The following PARP8 variants were observed in gnomAD, a reference collection of about 807,000 sequenced individuals.
PARP8 encodes protein mono-ADP-ribosyltransferase PARP8.
A neutral mutation model predicts 124.1 loss-of-function variants in PARP8; 51 were observed. The ratio of observed to expected loss-of-function variants is 0.41; its 90% CI spans 0.33 to 0.52. PARP8 has a LOEUF of 0.52. PARP8 is among the 20% of genes least tolerant of loss of function. The probability of loss-of-function intolerance (pLI) is 0.21; values close to 1 mark genes in which losing one functional copy is unlikely to be tolerated. For synonymous variants in PARP8, 391 were observed against 361.5 expected, an observed-to-expected ratio of 1.08 and a Z score of -0.93; for missense variants, 860 against 1,018.9, an observed-to-expected ratio of 0.84 and a Z score of 2.12.
intron 14 of PARP8, among the ~76,000 whole-genome samples, chr5:50,801,777 T>C (rs1743256222): frequency 6.6e-6 from 1 of 152,334 alleles, no homozygotes; most frequent in East Asian, 1.9e-4. Flanking sequence ...CAATATTTGA[T>C]TCATGTATTT....
intron 2 of PARP8, among the ~76,000 whole-genome samples, chr5:50,733,394 A>C (rs1219623071): frequency 6.6e-6 from 1 of 152,210 alleles, no homozygotes; most frequent in Non-Finnish European, 1.5e-5. Flanking sequence ...TGAAAATTCA[A>C]ACTGTTAGTA....
chr5:50,757,498 A>T (rs1458681872), intron 3 of PARP8, among the ~76,000 whole-genome samples: 1 of 152,142 alleles, frequency 6.6e-6, no homozygotes, highest in East Asian at 1.9e-4. Context: ...TTAATAAATA[A>T]TGTCATAAAA....
At chr5:50,688,924 A>C (rs1752173819) in intron 2 of PARP8, among the ~76,000 whole-genome samples, 1 of 152,168 alleles carries the variant, frequency 6.6e-6, no homozygotes, top group Non-Finnish European at 1.5e-5. Flanking sequence ...GTTTGAGTGC[A>C]CTTGATCTTG....
chr5:50,734,533 A>G (rs1757295023), intron 2 of PARP8, among the ~76,000 whole-genome samples: 1 of 152,130 alleles, frequency 6.6e-6, no homozygotes. Context: ...CAAACAAATT[A>G]ATTTGTCAGT....
chr5:50,749,261 A>G (rs1758956625), intron 2 of PARP8, among the ~76,000 whole-genome samples: 1 of 152,194 alleles, frequency 6.6e-6, no homozygotes, highest in East Asian at 1.9e-4. Flanking sequence ...TTGTCTTAAC[A>G]GGCAGATAAT....
intron 2 of PARP8, among the ~76,000 whole-genome samples, chr5:50,721,955 G>A (rs1755934133): frequency 1.3e-5 from 2 of 151,900 alleles, no homozygotes. Flanking sequence ...TCTATATCAT[G>A]CCCTAAAAAT....
At chr5:50,764,929 A>G (rs1760908552) in intron 7 of PARP8, among the ~76,000 whole-genome samples, 1 of 152,052 alleles carries the variant, frequency 6.6e-6, no homozygotes, top group African/African-American at 2.4e-5. Flanking sequence ...TATAACAATC[A>G]TAATACAACA....
intron 2 of PARP8, among the ~76,000 whole-genome samples, chr5:50,692,668 C>T (rs1752621842): frequency 6.6e-6 from 1 of 151,934 alleles, no homozygotes; most frequent in Admixed American, 6.6e-5. Context: ...GTTTCTTTTT[C>T]TTGATTTCAT....
Position 50,846,024 on chromosome 5 carries a change from A to G in PARP8, c.*3956A>G, listed in dbSNP as rs1278612104. The G allele has an allele frequency of 6.6e-6, 1 of 151,814 alleles. No individual in the cohort carries two copies. Among genetic ancestry groups the G allele is most frequent in the Non-Finnish European group, 1.5e-5 (1 of 67,818 alleles). The allele number at this position is 151,814 out of a possible 1,614,324, so 9.4% of individuals were successfully genotyped here. A position where few individuals can be genotyped will look rare whatever the true frequency, so the allele number is the denominator to read the frequency against. On this transcript the variant is annotated 3_prime_UTR_variant, in exon 26 of 26. Coordinates refer to ENST00000281631, the MANE Select transcript of PARP8 (RefSeq NM_024615.4). ...AGTAGTTTTTAGACAAAACATATCCATGAGTGTGAAAAAAGCTGTGTTGAC... is the reference window on the plus strand; with the variant it reads ...AGTAGTTTTTAGACAAAACATATCCGTGAGTGTGAAAAAAGCTGTGTTGAC...
rs187889338 is a variant in PARP8 at position 50,795,693 on chromosome 5, C to T, written c.1428+276C>T. On this transcript the variant is annotated intron_variant, in intron 12 of 25. Coordinates refer to ENST00000281631, the MANE Select transcript of PARP8 (RefSeq NM_024615.4). Reference sequence around the variant, plus strand: ...AAATGCTACTAAAATCAGAAGGAAACGCATTGGATTCACAAAGCCCTTACT... The same window carrying T: ...AAATGCTACTAAAATCAGAAGGAAATGCATTGGATTCACAAAGCCCTTACT... Among the ~76,000 whole-genome samples the T allele has an allele frequency of 1.2e-4, 18 of 152,180 alleles. No homozygotes were observed. In the East Asian group the frequency reaches 2.9e-3, roughly 24 times the overall value.
intron 2 of PARP8, chr5:50,669,511 C>G (rs1027054366): frequency 1.3e-5 from 2 of 152,254 alleles, no homozygotes; most frequent in African/African-American, 2.4e-5. Flanking sequence ...AAGTAACTAG[C>G]TTTCTGATTT....
chr5:50,835,764 G>A (rs1409434585), intron 25 of PARP8, among the ~76,000 whole-genome samples: 1 of 151,764 alleles, frequency 6.6e-6, no homozygotes, highest in Non-Finnish European at 1.5e-5. Flanking sequence ...ACATGTCAAT[G>A]TGGGGTTTTT....
Position 50,794,855 on chromosome 5 carries a change from C to T in PARP8, c.866C>T (p.Ser289Leu), listed in dbSNP as rs1024542674. ...PLHLFSTLRRSPSYPPPGCGK... is the reference protein window; with the variant it reads ...PLHLFSTLRRLPSYPPPGCGK... ...GTAATTGTTGTTCAATTTTGAAGGT[C>T]GCCAAGTTATCCTCCCCCTGGTTGT... Residue 289 changes from serine (S) to leucine (L), a missense_variant and splice_region_variant, in exon 12 of 26, where the codon TCG becomes TTG. By Grantham distance (145) the Ser-to-Leu change is moderately radical (BLOSUM62 -2). This residue lies in a region of PARP8 where 517 missense variants were observed against 544.2 expected (regional missense o/e 0.95). Coordinates refer to ENST00000281631, the MANE Select transcript of PARP8 (RefSeq NM_024615.4). 8.1e-6 allele frequency: 13 copies of T among 1,610,702 alleles called. No individual in the cohort carries two copies. Among genetic ancestry groups the T allele is most frequent in the East Asian group, 2.2e-5 (1 of 44,832 alleles).
intron 16 of PARP8, among the ~76,000 whole-genome samples, chr5:50,821,591 C>A (rs1745773994): frequency 6.6e-6 from 1 of 152,176 alleles, no homozygotes; most frequent in Non-Finnish European, 1.5e-5. Flanking sequence ...CTCCTTTCCT[C>A]TTTCCCTTCT....
intron 9 of PARP8, among the ~76,000 whole-genome samples, chr5:50,782,233 T>C (rs898089174): frequency 6.6e-6 from 1 of 152,226 alleles, no homozygotes; most frequent in African/African-American, 2.4e-5. Context: ...ATCTGCTCTG[T>C]TTGTGCAAAA....
At position 50,666,959 on chromosome 5, in the gene PARP8, C is replaced by G; in HGVS notation, c.-137C>G. ...CCTCTTCTCTCACCCAGGATCACTT[C>G]CGAAACCACTTCGCCTTCAGCCCCT... On this transcript the variant is annotated 5_prime_UTR_variant, in exon 1 of 26. Transcript: ENST00000281631. 1 of 1,466,766 alleles carries G rather than the reference C, an allele frequency of 6.8e-7. No individual in the cohort carries two copies. The highest frequency in any genetic ancestry group is 2.5e-5 in the East Asian group (1 of 39,732). The allele number at this position is 1,466,766 out of a possible 1,614,324, so 90.9% of individuals were successfully genotyped here. A position where few individuals can be genotyped will look rare whatever the true frequency, so the allele number is the denominator to read the frequency against.
chr5:50,671,343 C>T (rs1466114207), intron 2 of PARP8, among the ~76,000 whole-genome samples: 2 of 152,074 alleles, frequency 1.3e-5, no homozygotes, highest in Admixed American at 6.6e-5. Context: ...GGCTGAGTCC[C>T]TGGGGCCAGT....
At chr5:50,729,536 A>G (rs1297676795) in intron 2 of PARP8, among the ~76,000 whole-genome samples, 3 of 152,196 alleles carry the variant, frequency 2.0e-5, no homozygotes, top group Non-Finnish European at 2.9e-5. Flanking sequence ...CTTGCGTGTA[A>G]AATAAAAGGA....
At chr5:50,759,524 G>C (rs1561339719) in intron 3 of PARP8, 119 bp from the exon 4 acceptor site, 1 of 1,132,824 alleles carries the variant, frequency 8.8e-7, no homozygotes, top group Non-Finnish European at 1.2e-6. Flanking sequence ...TCAAACAGTA[G>C]TGTATGCTTT....
Sources: allele counts gnomAD v4.1 joint callset (sites outside exome capture counted in the v4.1 genomes callset), GRCh38; gene constraint gnomAD v4.1.1; regional missense constraint gnomAD v4.1.1; transcripts MANE v1.5; gene names NCBI Gene and HGNC (gene_info 2026-07-23, HGNC 2026-07-21).